The following C1orf52 variants were observed in gnomAD, a reference collection of about 807,000 sequenced individuals.
The protein encoded by C1orf52 is chromosome 1 open reading frame 52.
Under a neutral mutation model 17.2 loss-of-function variants are expected in C1orf52, and 5 were observed. The ratio of observed to expected loss-of-function variants is 0.29; its 90% CI spans 0.15 to 0.61. The LOEUF (loss-of-function observed/expected upper bound fraction) is 0.61. C1orf52 is among the 20% of genes least tolerant of loss of function. The pLI is 0.85. For missense variants in C1orf52, 245 were observed against 234.1 expected (o/e 1.05, Z -0.30); for synonymous variants, 110 against 88.0 (o/e 1.25, Z -1.40).
rs1216092273 is a variant in C1orf52 at position 85,250,822 on chromosome 1, A to C, written c.*1807T>G. 6.6e-6 allele frequency: 1 copy of C among 152,224 alleles called. No individual in the cohort carries two copies. Among genetic ancestry groups the C allele is most frequent in the Non-Finnish European group, 1.5e-5 (1 of 68,040 alleles). The allele number at this position is 152,224 out of a possible 1,614,324, so 9.4% of individuals were successfully genotyped here. On this transcript the variant is annotated 3_prime_UTR_variant, in exon 3 of 3. Coordinates refer to ENST00000471115, the MANE Select transcript of C1orf52 (RefSeq NM_198077.4). ...TGGTTGTGTTTGGTGTCATGTACAT[A>C]CTATGGTCTTGCTTTGTCACTTGAT...
rs904188528 is a variant in C1orf52 at position 85,250,010 on chromosome 1, A to C, written c.*2619T>G. 12 of 154,462 alleles carry C rather than the reference A, an allele frequency of 7.8e-5. No homozygotes were observed. Among genetic ancestry groups the C allele is most frequent in the African/African-American group, 2.2e-4 (9 of 41,466 alleles). 9.6% of individuals were successfully genotyped at this position (154,462 alleles called of 1,614,324 possible). On this transcript the variant is annotated 3_prime_UTR_variant, in exon 3 of 3. Transcript: ENST00000471115. The stretch of plus-strand genomic sequence containing the variant: ...TTCCACATGGCTGAGGAAGCCTCAC[A>C]ATCATGGCAGAAGGCAAGAGGAGCA...
chr1:85,253,930 CT>C (rs1267510584), intron 2 of C1orf52, among the ~76,000 whole-genome samples: 1 of 152,114 alleles, frequency 6.6e-6, no homozygotes, highest in African/African-American at 2.4e-5. Context: ...TTAATTGTAG[CT>C]TTTGACTTTA....
chr1:85,255,477 G>C (rs1233404219), intron 2 of C1orf52, among the ~76,000 whole-genome samples: 1 of 150,810 alleles, frequency 6.6e-6, no homozygotes, highest in Non-Finnish European at 1.5e-5. Flanking sequence ...TTGAACCCGG[G>C]AGGCGGAGGT....
chr1:85,258,669 G>T lies in C1orf52; in HGVS notation c.330C>A (p.Thr110=). 1 of 1,613,492 alleles carries T rather than the reference G, an allele frequency of 6.2e-7. No individual in the cohort carries two copies. The highest frequency in any genetic ancestry group is 2.2e-5 in the East Asian group (1 of 44,876). The change falls in exon 2 of 3, where the codon ACC becomes ACA. Residue 110 remains threonine (T), a synonymous_variant. Coordinates refer to ENST00000471115, the MANE Select transcript of C1orf52 (RefSeq NM_198077.4). ...WKSNYVPPPE[T]YTTEKKPPPP... ...GCGGAGGCTTCTTCTCAGTGGTGTAGGTCTCAGGAGGTGGTACATAATTTG... is the reference window on the plus strand; with the variant it reads ...GCGGAGGCTTCTTCTCAGTGGTGTATGTCTCAGGAGGTGGTACATAATTTG...
In C1orf52 at chr1:85,258,659, C is replaced by G. The variant is rs1660010018; in HGVS notation, c.340G>C (p.Glu114Gln). ...YVPPPETYTTEKKPPPPELDM... is the reference protein window; with the variant it reads ...YVPPPETYTTQKKPPPPELDM... Reference sequence around the variant, plus strand: ...AGCTCTGGAGGCGGAGGCTTCTTCTCAGTGGTGTAGGTCTCAGGAGGTGGT... The same window carrying G: ...AGCTCTGGAGGCGGAGGCTTCTTCTGAGTGGTGTAGGTCTCAGGAGGTGGT... Residue 114 changes from glutamate (E) to glutamine (Q), a missense_variant, in exon 2 of 3, where the codon GAG becomes CAG. By Grantham distance (29) the Glu-to-Gln change is conservative. Coordinates refer to ENST00000471115, the MANE Select transcript of C1orf52 (RefSeq NM_198077.4). The G allele has an allele frequency of 3.1e-6, 5 of 1,613,816 alleles. No individual in the cohort carries two copies. The highest frequency in any genetic ancestry group is 4.2e-6 in the Non-Finnish European group (5 of 1,179,988).
chr1:85,259,538 C>T lies in C1orf52; in HGVS notation c.96G>A (p.Glu32=). ...SSDEEDNIEP[E]ETSRRTPDPA... The stretch of plus-strand genomic sequence containing the variant: ...GATCCGGGGTTCTGCGACTCGTCTC[C>T]TCCGGCTCGATGTTATCCTCCTCGT... The change falls in exon 1 of 3, where the codon GAG becomes GAA. Residue 32 remains glutamate, a synonymous_variant. Transcript: ENST00000471115. The T allele has an allele frequency of 6.2e-7, 1 of 1,613,886 alleles. No homozygotes were observed. Among genetic ancestry groups the T allele is most frequent in the Non-Finnish European group, 8.5e-7 (1 of 1,179,988 alleles).
At chr1:85,259,111 G>A (rs1660023170) in intron 1 of C1orf52, 2 of 1,341,538 alleles carry the variant, frequency 1.5e-6, no homozygotes, top group African/African-American at 1.5e-5. Flanking sequence ...TCGCCGCGCG[G>A]GGTCGGGGCA....
chr1:85,257,523 AT>A (rs1320764530), intron 2 of C1orf52: 1 of 710,982 alleles, frequency 1.4e-6, no homozygotes, highest in Non-Finnish European at 2.6e-6. Flanking sequence ...GGGCCTATTA[AT>A]ACAAGGCCTT....
intron 1 of C1orf52, 49 bp downstream of exon 1, chr1:85,259,309 G>A (rs773762319): frequency 1.9e-6 from 3 of 1,585,356 alleles, no homozygotes; most frequent in African/African-American, 2.7e-5. Flanking sequence ...TCAGGAGAAA[G>A]GGGGCGCAGG....
At position 85,257,460 on chromosome 1, in the gene C1orf52, G is replaced by C. The variant is rs771947683; in HGVS notation, c.475+1064C>G. 5 of 717,214 alleles carry C rather than the reference G, an allele frequency of 7.0e-6. No individual in the cohort carries two copies. In the African/African-American group the frequency reaches 7.0e-5, roughly 10 times the overall value. 44.4% of individuals were successfully genotyped at this position (717,214 alleles called of 1,614,324 possible). ...CATACAATTCAGTTCTGGATTTCAAGATCTTCAAGTGCTAGAAAGGGGCCA... is the reference window on the plus strand; with the variant it reads ...CATACAATTCAGTTCTGGATTTCAACATCTTCAAGTGCTAGAAAGGGGCCA... On this transcript the variant is annotated intron_variant, in intron 2 of 2. Transcript: ENST00000471115.
intron 2 of C1orf52, among the ~76,000 whole-genome samples, chr1:85,255,549 CAA>C (rs56308033): frequency 2.9e-4 from 37 of 126,334 alleles, no homozygotes; most frequent in South Asian, 1.0e-3. Flanking sequence ...GACTCCATCT[CAA>C]AAAAAAAAAA....
intron 2 of C1orf52, among the ~76,000 whole-genome samples, chr1:85,258,110 A>C (rs1659991508): frequency 6.7e-6 from 1 of 149,828 alleles, no homozygotes; most frequent in Admixed American, 6.7e-5. Flanking sequence ...ACAAGAGCGA[A>C]ATGCTGTCTC....
At position 85,252,293 on chromosome 1, in the gene C1orf52, C is replaced by T. The variant is rs185442057; in HGVS notation, c.*336G>A. 1 of 256,742 alleles carries T rather than the reference C, an allele frequency of 3.9e-6. No individual in the cohort carries two copies. Among genetic ancestry groups the T allele is most frequent in the Non-Finnish European group, 7.5e-6 (1 of 133,932 alleles). The allele number at this position is 256,742 out of a possible 1,614,324, so 15.9% of individuals were successfully genotyped here. ...TTCACAGTACATTACAATATATTTA[C>T]TTTAAAAATATATTCCTTTATAAAA... is the stretch of plus-strand genomic sequence containing the variant. On this transcript the variant is annotated 3_prime_UTR_variant, in exon 3 of 3. Transcript: ENST00000471115.
At position 85,252,318 on chromosome 1, in the gene C1orf52, A is replaced by C. The variant is rs891923745; in HGVS notation, c.*311T>G. On this transcript the variant is annotated 3_prime_UTR_variant, in exon 3 of 3. Coordinates refer to ENST00000471115, the MANE Select transcript of C1orf52 (RefSeq NM_198077.4). The stretch of plus-strand genomic sequence containing the variant: ...CTTTAAAAATATATTCCTTTATAAA[A>C]GGTTTATAAGAACATTGGCATGTCA... 6.5e-6 allele frequency: 2 copies of C among 307,038 alleles called. No homozygotes were observed. Among genetic ancestry groups the C allele is most frequent in the African/African-American group, 4.4e-5 (2 of 45,254 alleles). The allele number at this position is 307,038 out of a possible 1,614,324, so 19.0% of individuals were successfully genotyped here.
At chr1:85,256,970 A>T (rs549384368) in intron 2 of C1orf52, among the ~76,000 whole-genome samples, 9 of 152,324 alleles carry the variant, frequency 5.9e-5, no homozygotes, top group African/African-American at 2.2e-4. Context: ...AGCTAGGTAG[A>T]ATCAAAATTA....
intron 1 of C1orf52, 36 bp downstream of exon 1, chr1:85,259,321 CG>C: frequency 6.9e-6 from 11 of 1,596,576 alleles, no homozygotes; most frequent in Non-Finnish European, 6.9e-6. Context: ...GGGCGCAGGC[CG>C]GGGCCGAGAC....
rs1570315572 is a variant in C1orf52, at chr1:85,252,231, TAC to T, written c.*396_*397del. On this transcript the variant is annotated 3_prime_UTR_variant, in exon 3 of 3. Coordinates refer to ENST00000471115, the MANE Select transcript of C1orf52 (RefSeq NM_198077.4). ...AGTAATTTTATTTCCATGATCTATT[TAC>T]ACTGTACAAAGACTGTTGAAAAGCA... 3.1e-5 allele frequency: 5 copies of T among 162,712 alleles called. No homozygotes were observed. The East Asian group carries it at 9.1e-4, about 29-fold the overall frequency. The allele number at this position is 162,712 out of a possible 1,614,324, so 10.1% of individuals were successfully genotyped here.
chr1:85,258,389 G>A, intron 2 of C1orf52, 135 bp downstream of exon 2: 1 of 846,990 alleles, frequency 1.2e-6, no homozygotes, highest in South Asian at 1.7e-5. Flanking sequence ...CAAAAGCAGA[G>A]CAGTAAGTAT....
At chr1:85,258,824 CTT>C in intron 1 of C1orf52, 102 bp from the exon 2 acceptor site, 9 of 1,394,940 alleles carry the variant, frequency 6.5e-6, no homozygotes, top group South Asian at 1.5e-5. Context: ...TTCAGGCTGA[CTT>C]TTTTTTTCTT....
Sources: allele counts gnomAD v4.1 joint callset (sites outside exome capture counted in the v4.1 genomes callset), GRCh38; gene constraint gnomAD v4.1.1; transcripts MANE v1.5; gene names NCBI Gene and HGNC (gene_info 2026-07-23, HGNC 2026-07-21).